Variants in PID1 observed in about 807,000 individuals in gnomAD.
PID1 encodes the protein PTB-containing, cubilin and LRP1-interacting protein.
PID1 carries 10 observed loss-of-function variants against 19.1 expected under a neutral mutation model. The observed-to-expected ratio is 0.52, with a 90% confidence interval of 0.32 to 0.89. PID1 has a LOEUF of 0.89. PID1 is among the 40% of genes least tolerant of loss of function. PID1 has a pLI of 0.03. For synonymous variants in PID1, 130 were observed against 116.0 expected (o/e 1.12, Z -0.78); for missense variants, 248 against 285.3 (o/e 0.87, Z 0.94).
chr2:229,268,663 G>A (rs1690656474), intron 1 of PID1, among the ~76,000 whole-genome samples: 1 of 152,118 alleles, frequency 6.6e-6, no homozygotes, highest in Non-Finnish European at 1.5e-5. Context: ...TTTGTGAAAG[G>A]CACATGGAGC....
intron 1 of PID1, among the ~76,000 whole-genome samples, chr2:229,183,433 C>T (rs1690989503): frequency 6.6e-6 from 1 of 152,198 alleles, no homozygotes; most frequent in Admixed American, 6.5e-5. Context: ...AAACATTATT[C>T]TAAGTGTGTC....
intron 1 of PID1, among the ~76,000 whole-genome samples, chr2:229,259,060 T>TG (rs2106290075): frequency 6.6e-6 from 1 of 151,374 alleles, no homozygotes; most frequent in South Asian, 2.1e-4. Flanking sequence ...GGTCGTAGTT[T>TG]TTTTTTTTTT....
rs141497213 is a variant in PID1 at position 229,112,518 on chromosome 2, C to T, written c.177+43300G>A. ...ATTTATTTTTTGAGACAGAGTCTTGCTCTGTCGCCCAGGCTGGAGTGCAGT... is the reference window on the plus strand; with the variant it reads ...ATTTATTTTTTGAGACAGAGTCTTGTTCTGTCGCCCAGGCTGGAGTGCAGT... On this transcript the variant is annotated intron_variant, in intron 2 of 2. Coordinates refer to ENST00000392055, the MANE Select transcript of PID1 (RefSeq NM_001100818.2). Among the ~76,000 whole-genome samples, 246 of 152,202 alleles carry T rather than the reference C, an allele frequency of 1.6e-3. 4 individuals carry two copies. The East Asian group carries it at 0.04, about 25-fold the overall frequency.
intron 2 of PID1, among the ~76,000 whole-genome samples, chr2:229,058,322 C>CA (rs1639824916): frequency 6.6e-6 from 1 of 152,220 alleles, no homozygotes; most frequent in African/African-American, 2.4e-5. Context: ...GATGAGTTCA[C>CA]AGCAGGAACT....
At chr2:229,035,249 A>C (rs1211145614) in intron 2 of PID1, among the ~76,000 whole-genome samples, 3 of 152,180 alleles carry the variant, frequency 2.0e-5, no homozygotes, top group Non-Finnish European at 4.4e-5. Flanking sequence ...AATAAGGTTA[A>C]GACCTTAGTA....
chr2:229,211,444 T>C (rs1029628479), intron 1 of PID1, among the ~76,000 whole-genome samples: 2 of 152,162 alleles, frequency 1.3e-5, no homozygotes, highest in Admixed American at 6.5e-5. Flanking sequence ...AAATCTTTAT[T>C]TGCATGCTTG....
chr2:229,239,520 C>G (rs745449158), intron 1 of PID1, among the ~76,000 whole-genome samples: 11 of 152,050 alleles, frequency 7.2e-5, no homozygotes, highest in Non-Finnish European at 1.2e-4. Context: ...GTAGAGATTT[C>G]AAACTCTGCT....
intron 2 of PID1, among the ~76,000 whole-genome samples, chr2:229,043,808 A>G (rs1038269959): frequency 2.0e-5 from 3 of 152,328 alleles, no homozygotes; most frequent in Admixed American, 6.5e-5. Context: ...CTGGCCAGCC[A>G]TGGAAGCCAT....
intron 1 of PID1, among the ~76,000 whole-genome samples, chr2:229,250,946 A>C (rs1200394874): frequency 6.6e-6 from 1 of 152,186 alleles, no homozygotes; most frequent in Non-Finnish European, 1.5e-5. Context: ...ACTCAAAAAC[A>C]AAAGATCAGT....
intron 1 of PID1, among the ~76,000 whole-genome samples, chr2:229,184,983 C>CTATA (rs66662808): frequency 7.2e-5 from 10 of 138,936 alleles, no homozygotes; most frequent in South Asian, 2.3e-4. Flanking sequence ...TATATATATA[C>CTATA]TATATATATC....
At chr2:229,174,605 C>T (rs532167337) in intron 1 of PID1, among the ~76,000 whole-genome samples, 43 of 151,944 alleles carry the variant, frequency 2.8e-4, no homozygotes, top group Admixed American at 9.8e-4. Context: ...CTCCCCCAAC[C>T]CATAAAATGT....
intron 1 of PID1, chr2:229,236,538 A>G (rs916388732): frequency 1.3e-5 from 2 of 152,188 alleles, no homozygotes; most frequent in Non-Finnish European, 2.9e-5. Flanking sequence ...CCCAGTCTGG[A>G]CAGTCAGAAC....
intron 1 of PID1, among the ~76,000 whole-genome samples, chr2:229,207,738 G>A (rs576998675): frequency 2.6e-5 from 4 of 151,866 alleles, no homozygotes; most frequent in African/African-American, 7.2e-5. Context: ...TTTAGAATCC[G>A]TGTTTTCAAA....
chr2:229,068,723 G>A (rs1188020636), intron 2 of PID1, among the ~76,000 whole-genome samples: 1 of 152,198 alleles, frequency 6.6e-6, no homozygotes, highest in Non-Finnish European at 1.5e-5. Flanking sequence ...CATGGACACA[G>A]GAAGCCGCCC....
At chr2:229,198,563 T>C (rs188628510) in intron 1 of PID1, among the ~76,000 whole-genome samples, 17 of 152,216 alleles carry the variant, frequency 1.1e-4, no homozygotes, top group African/African-American at 4.1e-4. Flanking sequence ...ATGTCCCATA[T>C]GGAATACACA....
At chr2:229,128,458 CTTAT>C (rs1403309242) in intron 2 of PID1, among the ~76,000 whole-genome samples, 1 of 152,026 alleles carries the variant, frequency 6.6e-6, no homozygotes, top group Admixed American at 6.6e-5. Context: ...TACAAATGGA[CTTAT>C]TTATGACTTT....
chr2:229,138,818 C>G (rs961331113), intron 2 of PID1, among the ~76,000 whole-genome samples: 8 of 150,792 alleles, frequency 5.3e-5, no homozygotes, highest in Non-Finnish European at 1.0e-4. Context: ...AATCAAAGAA[C>G]CATCAGTGCT....
At chr2:229,211,020 C>A (rs1417279568) in intron 1 of PID1, among the ~76,000 whole-genome samples, 1 of 152,170 alleles carries the variant, frequency 6.6e-6, no homozygotes, top group Non-Finnish European at 1.5e-5. Context: ...AAGCCCCTTT[C>A]CAAATAAAGC....
chr2:229,232,802 T>C (rs867140989), intron 1 of PID1, among the ~76,000 whole-genome samples: 14 of 140,158 alleles, frequency 1.0e-4, no homozygotes, highest in African/African-American at 3.4e-4. Context: ...TATATATATA[T>C]ATATATATAT....
Sources: gnomAD v4.1 joint callset for allele counts (sites outside exome capture counted in the v4.1 genomes callset) on GRCh38, gnomAD v4.1.1 for gene constraint, MANE v1.5 for transcripts, NCBI Gene and HGNC (gene_info 2026-07-23, HGNC 2026-07-21) for gene names.